CTNNA2: variants seen among roughly 807,000 people sequenced by gnomAD.
CTNNA2 encodes catenin alpha-2.
A neutral mutation model predicts 101.0 loss-of-function variants in CTNNA2; 42 were observed. That is an observed-to-expected ratio of 0.42 (90% confidence interval 0.32 to 0.54). The LOEUF is 0.54. CTNNA2 is among the 20% of genes least tolerant of loss of function. CTNNA2 has a pLI of 0.14. For synonymous variants in CTNNA2, 450 were observed against 456.4 expected (o/e 0.99, Z 0.18); for missense variants, 871 against 1,223.1 (o/e 0.71, Z 4.29).
intron 7 of CTNNA2, among the ~76,000 whole-genome samples, chr2:79,997,791 G>A (rs73940903): frequency 0.014 from 2,068 of 152,150 alleles, 54 homozygotes; most frequent in African/African-American, 0.047. Flanking sequence ...CTTCTAAACC[G>A]CGTTGCACCT....
chr2:79,653,562 C>T (rs943906987), intron 2 of CTNNA2, among the ~76,000 whole-genome samples: 5 of 152,102 alleles, frequency 3.3e-5, no homozygotes, highest in Non-Finnish European at 7.4e-5. Flanking sequence ...TTCACTTGGA[C>T]CTTTTAATCC....
At chr2:79,873,259 GC>G (rs1189993116) in intron 5 of CTNNA2, among the ~76,000 whole-genome samples, 11 of 151,966 alleles carry the variant, frequency 7.2e-5, no homozygotes, top group African/African-American at 2.7e-4. Flanking sequence ...TAACTGTATG[GC>G]CCATGCAATC....
intron 9 of CTNNA2, among the ~76,000 whole-genome samples, chr2:80,479,300 A>T (rs1450768369): frequency 6.6e-6 from 1 of 152,098 alleles, no homozygotes; most frequent in Non-Finnish European, 1.5e-5. Flanking sequence ...ACGTTCTGAG[A>T]CATTTTTGGC....
chr2:80,171,957 A>G (rs1464216544), intron 7 of CTNNA2, among the ~76,000 whole-genome samples: 1 of 152,184 alleles, frequency 6.6e-6, no homozygotes, highest in East Asian at 1.9e-4. Flanking sequence ...TGTGTATTTT[A>G]ATAGTTAGAA....
At chr2:80,516,060 C>T (rs777868747) in intron 9 of CTNNA2, among the ~76,000 whole-genome samples, 10 of 152,154 alleles carry the variant, frequency 6.6e-5, no homozygotes, top group Admixed American at 2.0e-4. Flanking sequence ...CTTCTCATTA[C>T]GGACAACAGT....
chr2:79,209,626 G>A (rs1674143437), intron 2 of CTNNA2, among the ~76,000 whole-genome samples: 2 of 152,072 alleles, frequency 1.3e-5, no homozygotes, highest in Admixed American at 1.3e-4. Context: ...AACAATACTG[G>A]GACCAGAAAT....
chr2:80,526,279 A>C (rs1452695371), intron 9 of CTNNA2, among the ~76,000 whole-genome samples: 1 of 152,072 alleles, frequency 6.6e-6, no homozygotes, highest in Non-Finnish European at 1.5e-5. Context: ...AGCTCACTGA[A>C]ACCTCCGCCT....
chr2:79,605,754 A>C (rs143316861), intron 1 of CTNNA2, among the ~76,000 whole-genome samples: 1 of 151,710 alleles, frequency 6.6e-6, no homozygotes, highest in Non-Finnish European at 1.5e-5. Flanking sequence ...TAATGATGAT[A>C]ATAATAATAA....
At chr2:80,362,786 CTT>C (rs1674536728) in intron 7 of CTNNA2, among the ~76,000 whole-genome samples, 1 of 152,030 alleles carries the variant, frequency 6.6e-6, no homozygotes, top group Non-Finnish European at 1.5e-5. Flanking sequence ...TATGAATTCT[CTT>C]GTTATCAATG....
chr2:79,454,257 C>CATTATAACA (rs1670789570), intron 4 of CTNNA2, among the ~76,000 whole-genome samples: 1 of 151,826 alleles, frequency 6.6e-6, no homozygotes, highest in Non-Finnish European at 1.5e-5. Flanking sequence ...AGTAATTTAC[C>CATTATAACA]ATATTATATT....
At chr2:79,309,434 G>A (rs13397923) in intron 2 of CTNNA2, among the ~76,000 whole-genome samples, 10,859 of 152,176 alleles carry the variant, frequency 0.071, 471 homozygotes, top group African/African-American at 0.11. Flanking sequence ...GTGTTTCAAT[G>A]AATCCAGCAG....
At chr2:80,293,861 C>T (rs1573618361) in intron 7 of CTNNA2, among the ~76,000 whole-genome samples, 1 of 151,998 alleles carries the variant, frequency 6.6e-6, no homozygotes, top group Non-Finnish European at 1.5e-5. Flanking sequence ...TCTTGGGTGT[C>T]GTGGAGTCTC....
At chr2:79,969,185 T>C (rs778612507) in intron 7 of CTNNA2, among the ~76,000 whole-genome samples, 4 of 152,252 alleles carry the variant, frequency 2.6e-5, no homozygotes, top group Non-Finnish European at 4.4e-5. Context: ...AGTGACTAAA[T>C]TAACAAGAAC....
At chr2:79,563,394 G>A (rs1399098545) in intron 1 of CTNNA2, among the ~76,000 whole-genome samples, 1 of 151,954 alleles carries the variant, frequency 6.6e-6, no homozygotes, top group African/African-American at 2.4e-5. Flanking sequence ...CAAAAGTTGT[G>A]TTTTATACAT....
At chr2:80,644,132 G>A (rs1252356517) in intron 18 of CTNNA2, among the ~76,000 whole-genome samples, 2 of 152,090 alleles carry the variant, frequency 1.3e-5, no homozygotes, top group Admixed American at 6.6e-5. Context: ...GCCTTGGAGA[G>A]AGATAGTAGT....
chr2:79,618,801 C>T (rs191174326), intron 1 of CTNNA2, among the ~76,000 whole-genome samples: 50 of 152,292 alleles, frequency 3.3e-4, no homozygotes, highest in African/African-American at 1.1e-3. Flanking sequence ...ACATGTAAGG[C>T]CCCATCTCCA....
At chr2:80,363,929 C>T (rs1293536176) in intron 7 of CTNNA2, among the ~76,000 whole-genome samples, 3 of 152,128 alleles carry the variant, frequency 2.0e-5, no homozygotes, top group Non-Finnish European at 2.9e-5. Flanking sequence ...ACACTTGTGT[C>T]GCTTACCCAA....
chr2:79,777,343 G>A (rs1469235816), intron 3 of CTNNA2, among the ~76,000 whole-genome samples: 1 of 102,078 alleles, frequency 9.8e-6, no homozygotes, highest in Admixed American at 8.9e-5. Flanking sequence ...GTGTGTGTGT[G>A]TGTGTGTGTG....
intron 7 of CTNNA2, among the ~76,000 whole-genome samples, chr2:80,004,042 C>T (rs1294871676): frequency 6.6e-6 from 1 of 152,094 alleles, no homozygotes; most frequent in Non-Finnish European, 1.5e-5. Flanking sequence ...TCTGTGGACT[C>T]TTCATAAGTA....
Sources: gnomAD v4.1 joint callset for allele counts (sites outside exome capture counted in the v4.1 genomes callset) on GRCh38, gnomAD v4.1.1 for gene constraint, MANE v1.5 for transcripts, NCBI Gene and HGNC (gene_info 2026-07-23, HGNC 2026-07-21) for gene names.